Variants in SLC24A3 observed in about 807,000 individuals in gnomAD.
SLC24A3 encodes the protein sodium/potassium/calcium exchanger 3.
Under a neutral mutation model 75.8 loss-of-function variants are expected in SLC24A3, and 28 were observed. The ratio of observed to expected loss-of-function variants is 0.37; its 90% CI spans 0.27 to 0.51. SLC24A3 has a LOEUF of 0.51. Among genes scored for constraint, SLC24A3 ranks in the 20% least tolerant of loss-of-function variants. The pLI is 0.94. For synonymous variants in SLC24A3, 372 were observed against 334.1 expected (o/e 1.11, Z -1.24); for missense variants, 663 against 847.8 (o/e 0.78, Z 2.71).
intron 2 of SLC24A3, among the ~76,000 whole-genome samples, chr20:19,371,268 G>T (rs1261365796): frequency 6.6e-6 from 1 of 152,166 alleles, no homozygotes; most frequent in Non-Finnish European, 1.5e-5. Context: ...AGGCACTTCT[G>T]TCCATCACTC....
At chr20:19,685,077 A>G in intron 11 of SLC24A3, 23 bp from the exon 12 acceptor site, 1 of 1,583,194 alleles carries the variant, frequency 6.3e-7, no homozygotes. Context: ...GACCGTGGTA[A>G]GAGTGCGCCT....
At chr20:19,267,393 A>G (rs1475534509) in intron 1 of SLC24A3, among the ~76,000 whole-genome samples, 1 of 152,224 alleles carries the variant, frequency 6.6e-6, no homozygotes, top group Non-Finnish European at 1.5e-5. Context: ...AGTTTCATTC[A>G]CCAATTACCC....
At chr20:19,400,301 C>G (rs959388578) in intron 2 of SLC24A3, among the ~76,000 whole-genome samples, 5 of 152,168 alleles carry the variant, frequency 3.3e-5, no homozygotes, top group African/African-American at 1.2e-4. Context: ...TACTTGGACA[C>G]AGTTTGATTC....
At chr20:19,339,695 G>T (rs781763917) in intron 2 of SLC24A3, among the ~76,000 whole-genome samples, 2 of 152,162 alleles carry the variant, frequency 1.3e-5, no homozygotes, top group Non-Finnish European at 2.9e-5. Context: ...GGGGGCTGAG[G>T]GCCAGAAACC....
At chr20:19,290,158 G>A (rs1027569037) in intron 2 of SLC24A3, among the ~76,000 whole-genome samples, 6 of 152,182 alleles carry the variant, frequency 3.9e-5, no homozygotes, top group African/African-American at 1.4e-4. Context: ...CATCTGGGTT[G>A]TAACAAGCCC....
chr20:19,402,311 CT>C (rs1432801739), intron 2 of SLC24A3, among the ~76,000 whole-genome samples: 1 of 152,146 alleles, frequency 6.6e-6, no homozygotes, highest in Non-Finnish European at 1.5e-5. Context: ...TCTCTCCAGC[CT>C]TTTTCCCCTA....
chr20:19,568,440 A>G (rs557493027), intron 3 of SLC24A3, among the ~76,000 whole-genome samples: 99 of 152,344 alleles, frequency 6.5e-4, no homozygotes, highest in African/African-American at 2.2e-3. Context: ...TAAAGGAGGG[A>G]AATTCTAACA....
chr20:19,677,293 C>CAAAA (rs5840854), intron 9 of SLC24A3, among the ~76,000 whole-genome samples: 1 of 102,628 alleles, frequency 9.7e-6, no homozygotes, highest in South Asian at 3.6e-4. Flanking sequence ...GACCCCGTTC[C>CAAAA]AAAAAAAAAA....
chr20:19,560,416 G>T (rs576128974), intron 3 of SLC24A3, among the ~76,000 whole-genome samples: 5 of 152,244 alleles, frequency 3.3e-5, no homozygotes, highest in Admixed American at 1.3e-4. Context: ...GCTGAGAAAA[G>T]TTCTCTAGCA....
At chr20:19,323,636 CA>C (rs1984769526) in intron 2 of SLC24A3, among the ~76,000 whole-genome samples, 1 of 152,144 alleles carries the variant, frequency 6.6e-6, no homozygotes, top group Non-Finnish European at 1.5e-5. Flanking sequence ...GTGAACCCCA[CA>C]TCCAGTGGGT....
chr20:19,635,520 C>A (rs1408695706), intron 6 of SLC24A3, among the ~76,000 whole-genome samples: 1 of 152,196 alleles, frequency 6.6e-6, no homozygotes, highest in East Asian at 1.9e-4. Flanking sequence ...GTAAAACAAC[C>A]ACCACATAAT....
intron 2 of SLC24A3, among the ~76,000 whole-genome samples, chr20:19,436,892 G>A (rs967320761): frequency 2.0e-5 from 3 of 152,186 alleles, no homozygotes; most frequent in Non-Finnish European, 2.9e-5. Flanking sequence ...CTGCAGCCAG[G>A]GGATTGGGGT....
intron 3 of SLC24A3, among the ~76,000 whole-genome samples, chr20:19,546,280 A>G (rs930666762): frequency 1.5e-4 from 22 of 150,796 alleles, no homozygotes; most frequent in African/African-American, 5.4e-4. Context: ...ATGAGTCTTC[A>G]TCCTCTCTCC....
chr20:19,720,063 A>ACAAGAAACC (rs946434504), intron 16 of SLC24A3, among the ~76,000 whole-genome samples: 1 of 151,764 alleles, frequency 6.6e-6, no homozygotes, highest in African/African-American at 2.4e-5. Flanking sequence ...CTAAGATAAG[A>ACAAGAAACC]CAGATGCTTC....
At chr20:19,600,199 TCCAGCTCCAGACCCTG>T (rs756512056) in intron 6 of SLC24A3, among the ~76,000 whole-genome samples, 2 of 152,092 alleles carry the variant, frequency 1.3e-5, no homozygotes, top group Non-Finnish European at 2.9e-5. Context: ...CGGCCCCAGC[TCCAGCTCCAGACCCTG>T]CCAGCTTGGC....
chr20:19,564,271 G>A (rs2122614229), intron 3 of SLC24A3, among the ~76,000 whole-genome samples: 1 of 152,298 alleles, frequency 6.6e-6, no homozygotes, highest in East Asian at 1.9e-4. Context: ...GGCATTCTGA[G>A]CTTCCTCTCA....
intron 3 of SLC24A3, among the ~76,000 whole-genome samples, chr20:19,552,959 C>T (rs948406302): frequency 6.6e-6 from 1 of 152,068 alleles, no homozygotes; most frequent in African/African-American, 2.4e-5. Flanking sequence ...CTGTGATTGT[C>T]AAGGTTTGCA....
chr20:19,663,094 G>T (rs1050484004), intron 7 of SLC24A3, among the ~76,000 whole-genome samples: 1 of 151,936 alleles, frequency 6.6e-6, no homozygotes, highest in African/African-American at 2.4e-5. Context: ...TTAGAGACAG[G>T]GTCTTGCTGT....
intron 15 of SLC24A3, among the ~76,000 whole-genome samples, chr20:19,702,851 C>G (rs2032890120): frequency 6.6e-6 from 1 of 152,092 alleles, no homozygotes; most frequent in Admixed American, 6.5e-5. Context: ...TCATTTTGAG[C>G]TTTAAAAATT....
Sources: gnomAD v4.1 joint callset for allele counts (sites outside exome capture counted in the v4.1 genomes callset) on GRCh38, gnomAD v4.1.1 for gene constraint, MANE v1.5 for transcripts, NCBI Gene and HGNC (gene_info 2026-07-23, HGNC 2026-07-21) for gene names.